Variants in CBL observed in about 807,000 individuals in gnomAD.
The protein encoded by CBL is Cbl proto-oncogene.
CBL carries 45 observed loss-of-function variants against 96.9 expected under a neutral mutation model. The ratio of observed to expected loss-of-function variants is 0.46; its 90% CI spans 0.37 to 0.60. The LOEUF (loss-of-function observed/expected upper bound fraction) is 0.60, where lower values mean the gene tolerates loss of function less well. Ranked by LOEUF, CBL falls within the 20% of genes least tolerant of loss-of-function variation. CBL has a pLI of 0.00. For synonymous variants in CBL, 420 were observed against 426.8 expected (o/e 0.98, Z 0.20); for missense variants, 1,024 against 1,143.5 (o/e 0.90, Z 1.51).
intron 12 of CBL, among the ~76,000 whole-genome samples, chr11:119,295,216 A>G (rs1035561168): frequency 2.0e-5 from 3 of 152,240 alleles, no homozygotes; most frequent in African/African-American, 7.2e-5. Flanking sequence ...CCAGCATTAT[A>G]AATAATGCTG....
intron 1 of CBL, among the ~76,000 whole-genome samples, chr11:119,215,781 T>G (rs556202498): frequency 2.8e-4 from 42 of 152,104 alleles, no homozygotes; most frequent in African/African-American, 9.6e-4. Context: ...GAGCTGAGTT[T>G]GTGTCACTGC....
rs68034047 is a variant in CBL, at chr11:119,260,223, C to CT, written c.444-11499dup. On this transcript the variant is annotated intron_variant, in intron 2 of 15. Transcript: ENST00000264033. ...CATGGATTGATTATTGGCTTAGCTT[C>CT]TTTTTTTTTTTTTCTTTTTCTTTTC... 3.0e-3 allele frequency among the ~76,000 whole-genome samples: 427 copies of CT among 143,448 alleles called. 1 individual carries two copies. Among genetic ancestry groups the CT allele is most frequent in the Non-Finnish European group, 4.7e-3 (310 of 65,274 alleles). 94.1% of individuals were successfully genotyped at this position (143,448 alleles called of 152,430 possible).
chr11:119,226,226 A>G (rs980181113), intron 1 of CBL, among the ~76,000 whole-genome samples: 1 of 152,158 alleles, frequency 6.6e-6, no homozygotes, highest in African/African-American at 2.4e-5. Context: ...GACTAATGCT[A>G]CCAGGTTCTG....
rs536419701 is a variant in CBL, at chr11:119,304,765, A to T, written c.*4984A>T. On this transcript the variant is annotated 3_prime_UTR_variant, in exon 16 of 16. Coordinates refer to ENST00000264033, the MANE Select transcript of CBL (RefSeq NM_005188.4). Reference sequence around the variant, plus strand: ...CTCAACCTCCCGAGTAGCTGGGATTACAGGCGCCTGCCACCATGCCCAGCT... The same window carrying T: ...CTCAACCTCCCGAGTAGCTGGGATTTCAGGCGCCTGCCACCATGCCCAGCT... 59 of 193,784 alleles carry T rather than the reference A, an allele frequency of 3.0e-4. 1 individual carries two copies. The highest frequency in any genetic ancestry group is 1.3e-3 in the African/African-American group (56 of 43,072). 12.0% of individuals were successfully genotyped at this position (193,784 alleles called of 1,614,324 possible).
At chr11:119,234,498 T>A (rs919266115) in intron 2 of CBL, among the ~76,000 whole-genome samples, 4 of 152,214 alleles carry the variant, frequency 2.6e-5, no homozygotes, top group Non-Finnish European at 5.9e-5. Flanking sequence ...TAAAAAATAA[T>A]TTTAATTCAT....
rs2082422039 is a variant in CBL at position 119,274,905 on chromosome 11, A to G, written c.821A>G (p.Tyr274Cys). 1 of 1,614,150 alleles carries G rather than the reference A, an allele frequency of 6.2e-7. No homozygotes were observed. Among genetic ancestry groups the G allele is most frequent in the Non-Finnish European group, 8.5e-7 (1 of 1,179,986 alleles). Residue 274 changes from tyrosine to cysteine, a missense_variant, in exon 5 of 16, where the codon TAT (tyrosine) becomes TGT (cysteine). Coordinates refer to ENST00000264033, the MANE Select transcript of CBL (RefSeq NM_005188.4). ...CCTGGCTACATGGCTTTTTTGACGT[A>G]TGACGAAGTGAAAGCTCGGCTCCAG... ...THPGYMAFLT[Y>C]DEVKARLQKF...
At chr11:119,227,751 T>C (rs1353050445) in intron 1 of CBL, among the ~76,000 whole-genome samples, 3 of 152,152 alleles carry the variant, frequency 2.0e-5, no homozygotes, top group Non-Finnish European at 4.4e-5. Flanking sequence ...GATTTCTCCA[T>C]GTTGGTCAGG....
chr11:119,256,522 A>T (rs957993902), intron 2 of CBL, among the ~76,000 whole-genome samples: 1 of 152,112 alleles, frequency 6.6e-6, no homozygotes, highest in Non-Finnish European at 1.5e-5. Context: ...TTATCATGAT[A>T]GATTTAAGTT....
chr11:119,299,383 G>T, intron 15 of CBL, 112 bp from the exon 16 acceptor site: 1 of 974,972 alleles, frequency 1.0e-6, no homozygotes, highest in Non-Finnish European at 1.6e-6. Flanking sequence ...AAGAGCACAT[G>T]TACCCAGTTT....
rs1033617832 is a variant in CBL, at chr11:119,270,679, C to T, written c.444-1056C>T. Among the ~76,000 whole-genome samples the T allele has an allele frequency of 9.2e-5, 14 of 151,360 alleles. No individual in the cohort carries two copies. In the East Asian group the frequency reaches 2.5e-3, roughly 27 times the overall value. On this transcript the variant is annotated intron_variant, in intron 2 of 15. Coordinates refer to ENST00000264033, the MANE Select transcript of CBL (RefSeq NM_005188.4). ...GCCGGGATGGTCTCGATCTCCTGAC[C>T]TCGTGATCCGCCCGCCTCGGCCTCC... is the stretch of plus-strand genomic sequence containing the variant.
chr11:119,251,678 G>T (rs1949670713), intron 2 of CBL, among the ~76,000 whole-genome samples: 1 of 152,122 alleles, frequency 6.6e-6, no homozygotes, highest in African/African-American at 2.4e-5. Flanking sequence ...TGGAACATAG[G>T]CTAGATGATG....
rs1591276463 is a variant in CBL, at chr11:119,307,321, A to G, written c.*7540A>G. On this transcript the variant is annotated 3_prime_UTR_variant, in exon 16 of 16. Coordinates refer to ENST00000264033, the MANE Select transcript of CBL (RefSeq NM_005188.4). Reference sequence around the variant, plus strand: ...CCAAGTGTCCTAGCCTTCTGATGACATTAATTACCTAGTTGTGTCGAGGAG... The same window carrying G: ...CCAAGTGTCCTAGCCTTCTGATGACGTTAATTACCTAGTTGTGTCGAGGAG... The G allele has an allele frequency of 8.6e-6, 2 of 233,002 alleles. No homozygotes were observed. The highest frequency in any genetic ancestry group is 6.1e-5 in the East Asian group (1 of 16,476). The allele number at this position is 233,002 out of a possible 1,614,324, so 14.4% of individuals were successfully genotyped here.
At chr11:119,268,587 C>G (rs117901657) in intron 2 of CBL, among the ~76,000 whole-genome samples, 4 of 152,144 alleles carry the variant, frequency 2.6e-5, no homozygotes. Flanking sequence ...CTACCAAGGC[C>G]TAAGATTTGG....
intron 12 of CBL, among the ~76,000 whole-genome samples, chr11:119,295,830 T>C (rs1950059325): frequency 6.6e-6 from 1 of 152,238 alleles, no homozygotes; most frequent in Non-Finnish European, 1.5e-5. Flanking sequence ...ACCTGGATTC[T>C]ACTTTTAGCA....
chr11:119,259,274 T>A (rs1436965259), intron 2 of CBL, among the ~76,000 whole-genome samples: 1 of 152,160 alleles, frequency 6.6e-6, no homozygotes, highest in Admixed American at 6.5e-5. Context: ...GTGCCCTTTC[T>A]TTCTCTTGCC....
chr11:119,252,077 T>C (rs1949673355), intron 2 of CBL, among the ~76,000 whole-genome samples: 1 of 152,146 alleles, frequency 6.6e-6, no homozygotes, highest in Non-Finnish European at 1.5e-5. Context: ...GTGATTTGAA[T>C]TTAATAATAC....
At position 119,215,669 on chromosome 11, in the gene CBL, C is replaced by CA. The variant is rs34704423; in HGVS notation, c.195+9068dup. 2.2e-3 allele frequency among the ~76,000 whole-genome samples: 275 copies of CA among 123,114 alleles called. 1 individual carries two copies. The highest frequency in any genetic ancestry group is 0.015 in the East Asian group (64 of 4,224). 80.8% of individuals were successfully genotyped at this position (123,114 alleles called of 152,430 possible). On this transcript the variant is annotated intron_variant, in intron 1 of 15. Coordinates refer to ENST00000264033, the MANE Select transcript of CBL (RefSeq NM_005188.4). Reference sequence around the variant, plus strand: ...CTGGGCAACAAGAGTGAAACTGTCTCAAAAAAAAAAAGCCGAGGGTTGTGG... The same window carrying CA: ...CTGGGCAACAAGAGTGAAACTGTCTCAAAAAAAAAAAAGCCGAGGGTTGTGG...
At position 119,237,742 on chromosome 11, in the gene CBL, C is replaced by G. The variant is rs953089700; in HGVS notation, c.443+5047C>G. Among the ~76,000 whole-genome samples the G allele has an allele frequency of 3.3e-5, 5 of 152,216 alleles. No individual in the cohort carries two copies. In the East Asian group the frequency reaches 9.6e-4, roughly 29 times the overall value. On this transcript the variant is annotated intron_variant, in intron 2 of 15. Transcript: ENST00000264033. ...CTCTCAGTTTCATTTCATTAATCTA[C>G]ATATCTATCTTAATGCTAGTACCAC...
intron 8 of CBL, 60 bp downstream of exon 8, chr11:119,278,357 A>T (rs2135304065): frequency 6.3e-7 from 1 of 1,597,694 alleles, no homozygotes; most frequent in East Asian, 2.2e-5. Context: ...ATTCGGTATT[A>T]TATAGCCTTT....
Sources: gnomAD v4.1 joint callset for allele counts (sites outside exome capture counted in the v4.1 genomes callset) on GRCh38, gnomAD v4.1.1 for gene constraint, MANE v1.5 for transcripts, NCBI Gene and HGNC (gene_info 2026-07-23, HGNC 2026-07-21) for gene names.